The following CAMK2D variants were observed in gnomAD, a reference collection of about 807,000 sequenced individuals.
CAMK2D encodes calcium/calmodulin dependent protein kinase II delta, also known as calcium/calmodulin-dependent protein kinase type II subunit delta.
Under a neutral mutation model 84.0 loss-of-function variants are expected in CAMK2D, and 37 were observed. That is an observed-to-expected ratio of 0.44 (90% CI 0.34 to 0.58). The LOEUF (loss-of-function observed/expected upper bound fraction) is 0.58, where lower values mean the gene tolerates loss of function less well. CAMK2D is among the 20% of genes least tolerant of loss of function. The pLI is 0.02. For synonymous variants in CAMK2D, 202 were observed against 212.5 expected, an observed-to-expected ratio of 0.95 and a Z score of 0.43; for missense variants, 448 against 652.5, an observed-to-expected ratio of 0.69 and a Z score of 3.41.
chr4:113,566,548 C>A (rs1262643881), intron 4 of CAMK2D, among the ~76,000 whole-genome samples: 3 of 152,174 alleles, frequency 2.0e-5, no homozygotes. Flanking sequence ...CTAGAACACA[C>A]AGCATAATAT....
intron 3 of CAMK2D, among the ~76,000 whole-genome samples, chr4:113,649,541 T>C (rs1402986686): frequency 6.6e-6 from 1 of 152,240 alleles, no homozygotes; most frequent in Non-Finnish European, 1.5e-5. Flanking sequence ...AAAATTCTGT[T>C]CACCATCCAA....
intron 3 of CAMK2D, among the ~76,000 whole-genome samples, chr4:113,632,478 C>T (rs985969184): frequency 6.6e-6 from 1 of 152,020 alleles, no homozygotes; most frequent in African/African-American, 2.4e-5. Context: ...CTGCCTCAGC[C>T]TCCCAAAGTG....
intron 2 of CAMK2D, among the ~76,000 whole-genome samples, chr4:113,742,073 C>G (rs2099594312): frequency 6.6e-6 from 1 of 152,180 alleles, no homozygotes; most frequent in South Asian, 2.1e-4. Flanking sequence ...TTTCCCATGT[C>G]TCTCATCTTA....
chr4:113,648,107 T>A (rs2099158725), intron 3 of CAMK2D, among the ~76,000 whole-genome samples: 1 of 152,174 alleles, frequency 6.6e-6, no homozygotes, highest in Admixed American at 6.5e-5. Context: ...TTTCTAAGAG[T>A]ATAAATTGAT....
intron 18 of CAMK2D, 135 bp from the exon 19 acceptor site, chr4:113,457,698 A>G: frequency 1.5e-6 from 1 of 658,670 alleles, no homozygotes. Context: ...TTAATCTACT[A>G]TTTGTACTAA....
At chr4:113,491,722 G>T (rs1361737795) in intron 16 of CAMK2D, among the ~76,000 whole-genome samples, 1 of 152,120 alleles carries the variant, frequency 6.6e-6, no homozygotes, top group Admixed American at 6.5e-5. Flanking sequence ...AATGGTACCA[G>T]TTCCTCCTCG....
intron 2 of CAMK2D, among the ~76,000 whole-genome samples, chr4:113,756,478 C>A (rs1344174256): frequency 6.6e-6 from 1 of 151,976 alleles, no homozygotes; most frequent in African/African-American, 2.4e-5. Context: ...TCTCAAAAAT[C>A]AGTACCTTAG....
At chr4:113,514,125 T>G (rs959464314) in intron 10 of CAMK2D, among the ~76,000 whole-genome samples, 2 of 152,034 alleles carry the variant, frequency 1.3e-5, no homozygotes, top group Non-Finnish European at 2.9e-5. Context: ...ATAGAAAGTA[T>G]AGAAATGGGC....
At chr4:113,529,605 T>A (rs2098444845) in intron 8 of CAMK2D, among the ~76,000 whole-genome samples, 2 of 152,164 alleles carry the variant, frequency 1.3e-5, no homozygotes. Context: ...GTCTTTCCTG[T>A]ATTCAAAATA....
chr4:113,565,498 A>T (rs1256575536), intron 4 of CAMK2D, among the ~76,000 whole-genome samples: 1 of 152,020 alleles, frequency 6.6e-6, no homozygotes, highest in African/African-American at 2.4e-5. Flanking sequence ...CAAAAATACA[A>T]AAATCAGCTG....
intron 16 of CAMK2D, among the ~76,000 whole-genome samples, chr4:113,492,392 A>C (rs1380658636): frequency 6.6e-6 from 1 of 152,090 alleles, no homozygotes; most frequent in Non-Finnish European, 1.5e-5. Context: ...CCTTCATTTC[A>C]CTATGTACCC....
chr4:113,705,107 C>T (rs1293944193), intron 2 of CAMK2D, among the ~76,000 whole-genome samples: 1 of 149,888 alleles, frequency 6.7e-6, no homozygotes, highest in Non-Finnish European at 1.5e-5. Flanking sequence ...TTTGGGAGGC[C>T]AGGATCGAGA....
chr4:113,557,207 GC>G (rs2098671036), intron 4 of CAMK2D, among the ~76,000 whole-genome samples: 2 of 151,582 alleles, frequency 1.3e-5, no homozygotes, highest in South Asian at 2.1e-4. Flanking sequence ...TTCCTATCTT[GC>G]CCCCCAGCCC....
At chr4:113,491,794 T>A (rs1015944695) in intron 16 of CAMK2D, among the ~76,000 whole-genome samples, 5 of 152,124 alleles carry the variant, frequency 3.3e-5, no homozygotes, top group African/African-American at 1.2e-4. Context: ...GTTGGTAAAC[T>A]ATTGATTATT....
intron 4 of CAMK2D, among the ~76,000 whole-genome samples, chr4:113,606,703 T>G (rs563597297): frequency 6.6e-6 from 1 of 152,132 alleles, no homozygotes; most frequent in African/African-American, 2.4e-5. Flanking sequence ...AAGGTAGGGC[T>G]AAAAAGGTAT....
At chr4:113,548,544 A>C in intron 5 of CAMK2D, 1 of 566,838 alleles carries the variant, frequency 1.8e-6, no homozygotes, top group South Asian at 2.5e-5. Context: ...TACTCATTTT[A>C]GAAACAAGTT....
At chr4:113,701,086 T>C (rs2099416132) in intron 2 of CAMK2D, among the ~76,000 whole-genome samples, 1 of 152,214 alleles carries the variant, frequency 6.6e-6, no homozygotes, top group South Asian at 2.1e-4. Context: ...CAGTTTCTGT[T>C]CCCTATAATC....
At chr4:113,550,845 T>C (rs1205704608) in intron 5 of CAMK2D, among the ~76,000 whole-genome samples, 1 of 152,210 alleles carries the variant, frequency 6.6e-6, no homozygotes, top group East Asian at 1.9e-4. Flanking sequence ...ACTTTGGCCA[T>C]AAAAATTCCA....
At chr4:113,724,393 T>C (rs1180432683) in intron 2 of CAMK2D, among the ~76,000 whole-genome samples, 1 of 152,006 alleles carries the variant, frequency 6.6e-6, no homozygotes, top group Non-Finnish European at 1.5e-5. Context: ...CATAAATGTA[T>C]ACAATATTAA....
Sources: gnomAD v4.1 joint callset for allele counts (sites outside exome capture counted in the v4.1 genomes callset) on GRCh38, gnomAD v4.1.1 for gene constraint, MANE v1.5 for transcripts, NCBI Gene and HGNC (gene_info 2026-07-23, HGNC 2026-07-21) for gene names.